The following CENPP variants were observed in gnomAD, a reference collection of about 807,000 sequenced individuals.
CENPP encodes centromere protein P.
Under a neutral mutation model 35.6 loss-of-function variants are expected in CENPP, and 24 were observed. The ratio of observed to expected loss-of-function variants is 0.67; its 90% CI spans 0.49 to 0.95. The LOEUF (loss-of-function observed/expected upper bound fraction) is 0.95. Ranked by LOEUF, CENPP falls within the 40% of genes least tolerant of loss-of-function variation. The pLI is 0.00. For missense variants in CENPP, 332 were observed against 345.3 expected (o/e 0.96, Z 0.31); for synonymous variants, 120 against 125.5 (o/e 0.96, Z 0.29).
chr9:92,519,132 G>A lies in CENPP; in HGVS notation c.565-92182G>A, dbSNP rs151168347. ...CTCACATTAGTCCCCTCCTTTCCCC[G>A]ACCACTAACTCAGCCCAATTCAGGC... On this transcript the variant is annotated intron_variant, in intron 5 of 7. Transcript: ENST00000375587. 1.7e-3 allele frequency among the ~76,000 whole-genome samples: 251 copies of A among 151,868 alleles called. 1 individual carries two copies. The highest frequency in any genetic ancestry group is 5.5e-3 in the African/African-American group (229 of 41,420).
At chr9:92,332,731 C>A (rs903262607) in intron 2 of CENPP, among the ~76,000 whole-genome samples, 1 of 151,972 alleles carries the variant, frequency 6.6e-6, no homozygotes, top group Admixed American at 6.6e-5. Flanking sequence ...TCATTTGAAC[C>A]CGGGAGGTGG....
intron 5 of CENPP, among the ~76,000 whole-genome samples, chr9:92,572,433 T>G (rs774915570): frequency 4.6e-5 from 7 of 152,244 alleles, no homozygotes; most frequent in Non-Finnish European, 8.8e-5. Flanking sequence ...CTCTTCTTGC[T>G]TGTAGAGTTT....
At chr9:92,469,240 C>T (rs1845422460) in intron 5 of CENPP, among the ~76,000 whole-genome samples, 1 of 152,162 alleles carries the variant, frequency 6.6e-6, no homozygotes, top group Non-Finnish European at 1.5e-5. Context: ...CTTCTAGTTG[C>T]TCTTTTATAT....
intron 5 of CENPP, among the ~76,000 whole-genome samples, chr9:92,507,688 C>T (rs1222580174): frequency 2.6e-5 from 4 of 152,180 alleles, no homozygotes; most frequent in Non-Finnish European, 5.9e-5. Context: ...GCCTCCAGGG[C>T]TCCTGATTTA....
At chr9:92,541,985 G>T (rs1229575478) in intron 5 of CENPP, among the ~76,000 whole-genome samples, 1 of 152,044 alleles carries the variant, frequency 6.6e-6, no homozygotes, top group Non-Finnish European at 1.5e-5. Flanking sequence ...ATAGAGATGG[G>T]GTTTCATTAT....
At chr9:92,570,267 A>G (rs1229092172) in intron 5 of CENPP, among the ~76,000 whole-genome samples, 2 of 152,106 alleles carry the variant, frequency 1.3e-5, no homozygotes, top group South Asian at 2.1e-4. Context: ...TACCTAGTCT[A>G]TTGAGAGTTT....
intron 5 of CENPP, among the ~76,000 whole-genome samples, chr9:92,427,290 C>T (rs1035357566): frequency 2.0e-5 from 3 of 151,978 alleles, no homozygotes; most frequent in African/African-American, 4.8e-5. Flanking sequence ...AGCCTCCTGA[C>T]TAGCTGGGAT....
At chr9:92,408,202 T>C (rs527391430) in intron 5 of CENPP, among the ~76,000 whole-genome samples, 4 of 152,190 alleles carry the variant, frequency 2.6e-5, no homozygotes, top group Non-Finnish European at 5.9e-5. Context: ...TTTGTTTGTT[T>C]TTGAGACGGA....
rs34607425 is a variant in CENPP, at chr9:92,416,789, G to A, written c.564+36930G>A. 3.3e-3 allele frequency: 5,278 copies of A among 1,613,714 alleles called. 17 individuals carry two copies. Among genetic ancestry groups the A allele is most frequent in the Non-Finnish European group, 3.9e-3 (4,593 of 1,179,778 alleles). On this transcript the variant is annotated intron_variant, in intron 5 of 7. Transcript: ENST00000375587. ...TGACATTCTTAGAGTATGAAGTTTT[G>A]GAAGTTTGTCGAAGTATTTTTCGGG...
intron 5 of CENPP, among the ~76,000 whole-genome samples, chr9:92,444,657 G>A (rs1007665194): frequency 6.6e-6 from 1 of 152,118 alleles, no homozygotes; most frequent in African/African-American, 2.4e-5. Flanking sequence ...CTCTGCATAT[G>A]GTGTGTTGTG....
chr9:92,374,448 C>T (rs1022390890), intron 4 of CENPP, among the ~76,000 whole-genome samples: 3 of 152,056 alleles, frequency 2.0e-5, no homozygotes, highest in African/African-American at 7.2e-5. Flanking sequence ...TCAGGTGATC[C>T]GCCCACCTCG....
At chr9:92,396,853 C>A (rs923577134) in intron 5 of CENPP, among the ~76,000 whole-genome samples, 2 of 152,048 alleles carry the variant, frequency 1.3e-5, no homozygotes, top group African/African-American at 4.8e-5. Flanking sequence ...ATATCTATTT[C>A]TTTTATATAT....
chr9:92,389,826 A>G, intron 5 of CENPP: 2 of 1,457,070 alleles, frequency 1.4e-6, no homozygotes, highest in Non-Finnish European at 1.9e-6. Flanking sequence ...CACTCATACT[A>G]TGCTTAGTTT....
At chr9:92,428,916 T>G (rs1185634822) in intron 5 of CENPP, among the ~76,000 whole-genome samples, 1 of 152,188 alleles carries the variant, frequency 6.6e-6, no homozygotes, top group Non-Finnish European at 1.5e-5. Flanking sequence ...TCTGTCTCAC[T>G]ATGACCTTTG....
chr9:92,349,341 C>T (rs1841384084), intron 4 of CENPP, among the ~76,000 whole-genome samples: 1 of 151,548 alleles, frequency 6.6e-6, no homozygotes, highest in Non-Finnish European at 1.5e-5. Context: ...TTCATTTACC[C>T]ATTGAAGGAT....
At position 92,500,947 on chromosome 9, in the gene CENPP, T is replaced by G. The variant is rs764887308; in HGVS notation, c.565-110367T>G. 7 of 1,614,048 alleles carry G rather than the reference T, an allele frequency of 4.3e-6. No homozygotes were observed. In the South Asian group the frequency reaches 5.5e-5, roughly 13 times the overall value. ...ATGTGGCCAAACACATAGCCAGGGA[T>G]CCGTTCAATCTGGTTCCCAAGGAGT... On this transcript the variant is annotated intron_variant, in intron 5 of 7. Coordinates refer to ENST00000375587, the MANE Select transcript of CENPP (RefSeq NM_001012267.3).
chr9:92,468,187 C>G (rs1845382710), intron 5 of CENPP, among the ~76,000 whole-genome samples: 1 of 152,086 alleles, frequency 6.6e-6, no homozygotes, highest in Non-Finnish European at 1.5e-5. Context: ...GTTTGTTTTT[C>G]CTAATTAAAA....
In CENPP at chr9:92,573,236, C is replaced by T. The variant is rs1458333110; in HGVS notation, c.565-38078C>T. 3.3e-5 allele frequency among the ~76,000 whole-genome samples: 5 copies of T among 152,088 alleles called. No homozygotes were observed. The South Asian group carries it at 6.2e-4, about 19-fold the overall frequency. On this transcript the variant is annotated intron_variant, in intron 5 of 7. Transcript: ENST00000375587. ...TTCTCCCCATCTTTGTGGTTTTATC[C>T]ACCTTTGGTCTTTGATGATGGTGAC...
intron 5 of CENPP, among the ~76,000 whole-genome samples, chr9:92,492,957 G>C (rs1344069327): frequency 6.6e-6 from 1 of 152,168 alleles, no homozygotes; most frequent in African/African-American, 2.4e-5. Flanking sequence ...CAGGGGCCCA[G>C]CAGTCTGCTC....
Sources: allele counts gnomAD v4.1 joint callset (sites outside exome capture counted in the v4.1 genomes callset), GRCh38; gene constraint gnomAD v4.1.1; transcripts MANE v1.5; gene names NCBI Gene and HGNC (gene_info 2026-07-23, HGNC 2026-07-21).